Variants in BIN1 observed in about 807,000 individuals in gnomAD.
BIN1 encodes bridging integrator 1.
Under a neutral mutation model 82.0 loss-of-function variants are expected in BIN1, and 53 were observed. That is an observed-to-expected ratio of 0.65 (90% confidence interval 0.52 to 0.81). The LOEUF is 0.81. Ranked by LOEUF, BIN1 falls within the 40% of genes least tolerant of loss-of-function variation. BIN1 has a pLI of 0.00. For synonymous variants in BIN1, 302 were observed against 328.0 expected, an observed-to-expected ratio of 0.92 and a Z score of 0.86; for missense variants, 642 against 784.4, an observed-to-expected ratio of 0.82 and a Z score of 2.17.
chr2:127,075,108 T>G (rs6705636), intron 2 of BIN1, among the ~76,000 whole-genome samples: 27,181 of 152,126 alleles, frequency 0.18, 2,559 homozygotes, highest in South Asian at 0.25. Context: ...GGAAACTCGA[T>G]AGTGAACCAA....
chr2:127,053,322 G>C, intron 14 of BIN1, 100 bp downstream of exon 14: 1 of 1,518,176 alleles, frequency 6.6e-7, no homozygotes, highest in Non-Finnish European at 9.1e-7. Context: ...GGGTGTGTGG[G>C]GTGCATGCAC....
At chr2:127,060,453 G>C (rs753205366) in intron 10 of BIN1, 8 of 1,258,618 alleles carry the variant, frequency 6.4e-6, no homozygotes, top group Non-Finnish European at 8.0e-6. Flanking sequence ...CACCCAACAC[G>C]CACACGACAG....
rs1364452578 is a variant in BIN1 at position 127,057,374 on chromosome 2, A to T, written c.1131+99T>A. 2.1e-6 allele frequency: 3 copies of T among 1,401,494 alleles called. No homozygotes were observed. Among genetic ancestry groups the T allele is most frequent in the Non-Finnish European group, 2.8e-6 (3 of 1,067,292 alleles). The allele number at this position is 1,401,494 out of a possible 1,614,324, so 86.8% of individuals were successfully genotyped here. A position where few individuals can be genotyped will look rare whatever the true frequency, so the allele number is the denominator to read the frequency against. ...GGAAACTGACACTCTCTCTGGCCAG[A>T]TTCCTGGCTCTTGAGACAGAAGCAT... On this transcript the variant is annotated intron_variant, in intron 12 of 18. Coordinates refer to ENST00000316724, the MANE Select transcript of BIN1 (RefSeq NM_139343.3). The surrounding 1 kb of genome is among the most constrained non-coding windows in gnomAD (Gnocchi z 5.0).
Position 127,048,579 on chromosome 2 carries a change from G to C in BIN1, c.1729C>G (p.Leu577Val), listed in dbSNP as rs771368114. ...GGGAAGACGCCACGGCACTTCTCCA[G>C]CTCCTTGTGCTGGTTCCAGTCGCTC... ...KESDWNQHKE[L>V]EKCRGVFPEN... The change falls in exon 19 of 19, where the codon CTG (leucine) becomes GTG (valine). Residue 577 changes from leucine (L) to valine (V), a missense_variant. Leu to Val is a conservative substitution (Grantham distance 32, BLOSUM62 1). Coordinates refer to ENST00000316724, the MANE Select transcript of BIN1 (RefSeq NM_139343.3). 1.9e-6 allele frequency: 3 copies of C among 1,613,672 alleles called. No homozygotes were observed. In the African/African-American group the frequency reaches 4.0e-5, roughly 22 times the overall value.
intron 2 of BIN1, among the ~76,000 whole-genome samples, chr2:127,072,681 G>A (rs942206801): frequency 1.3e-5 from 2 of 152,054 alleles, no homozygotes; most frequent in African/African-American, 4.8e-5. Flanking sequence ...GTATAACACT[G>A]GCTAATCATC....
At position 127,062,099 on chromosome 2, in the gene BIN1, C is replaced by A; in HGVS notation, c.857+16G>T. The A allele has an allele frequency of 1.3e-6, 2 of 1,594,824 alleles. No homozygotes were observed. The highest frequency in any genetic ancestry group is 1.1e-5 in the South Asian group (1 of 88,260). ...GTGCACACAGTCAGGGGCGCCAGGG[C>A]TCTCCCCGCACGCACCTGGGCTGGG... On this transcript the variant is annotated intron_variant, in intron 10 of 18. Coordinates refer to ENST00000316724, the MANE Select transcript of BIN1 (RefSeq NM_139343.3).
At chr2:127,096,673 C>CA (rs1015087819) in intron 1 of BIN1, among the ~76,000 whole-genome samples, 3 of 152,170 alleles carry the variant, frequency 2.0e-5, no homozygotes, top group Non-Finnish European at 4.4e-5. Flanking sequence ...TGGCCCCTGA[C>CA]ACATAATTAG....
intron 1 of BIN1, among the ~76,000 whole-genome samples, chr2:127,091,198 C>T (rs1342971262): frequency 2.0e-5 from 3 of 151,760 alleles, no homozygotes; most frequent in African/African-American, 7.3e-5. Context: ...AGCGCCCACC[C>T]AGAAGTGCCC....
At chr2:127,106,726 A>C in intron 1 of BIN1, 134 bp downstream of exon 1, 2 of 1,124,152 alleles carry the variant, frequency 1.8e-6, no homozygotes, top group Middle Eastern at 2.9e-4. Flanking sequence ...AGCCCCTCGA[A>C]AGCGCTCCTC....
Position 127,051,246 on chromosome 2 carries a change from G to T in BIN1, c.1372-3C>A. On this transcript the variant is annotated splice_polypyrimidine_tract_variant and splice_region_variant and intron_variant, in intron 15 of 18. Transcript: ENST00000316724. ...GCCACCTCCGAGGCCTCTGCTGGCTGCAACATAAATGCCGGCTTGGGGTCA... is the reference window on the plus strand; with the variant it reads ...GCCACCTCCGAGGCCTCTGCTGGCTTCAACATAAATGCCGGCTTGGGGTCA... The T allele has an allele frequency of 1.9e-6, 3 of 1,613,736 alleles. No individual in the cohort carries two copies. The highest frequency in any genetic ancestry group is 2.5e-6 in the Non-Finnish European group (3 of 1,179,898).
intron 7 of BIN1, 141 bp from the exon 8 acceptor site, chr2:127,064,159 A>G (rs1449659270): frequency 3.2e-6 from 3 of 936,762 alleles, no homozygotes; most frequent in Non-Finnish European, 5.0e-6. Context: ...GCTGAACTGG[A>G]TGTGGACACC....
chr2:127,099,051 C>T (rs1422851017), intron 1 of BIN1, among the ~76,000 whole-genome samples: 1 of 152,182 alleles, frequency 6.6e-6, no homozygotes, highest in East Asian at 1.9e-4. Context: ...GGGATCTGCA[C>T]CCACTAGCCT....
Position 127,096,020 on chromosome 2 carries a change from G to A in BIN1, c.84+10840C>T, listed in dbSNP as rs1285199076. ...ACTGAGGCTTGGTGGCCCACCTGGA[G>A]CCTGTGGTCTTCCGCTACATAGCAG... On this transcript the variant is annotated intron_variant, in intron 1 of 18. Transcript: ENST00000316724. Among the ~76,000 whole-genome samples the A allele has an allele frequency of 2.0e-5, 3 of 152,312 alleles. No individual in the cohort carries two copies. The East Asian group carries it at 5.8e-4, about 29-fold the overall frequency.
intron 1 of BIN1, among the ~76,000 whole-genome samples, chr2:127,083,995 T>G (rs993492638): frequency 6.6e-6 from 1 of 152,254 alleles, no homozygotes; most frequent in Non-Finnish European, 1.5e-5. Flanking sequence ...CACTTTTCTC[T>G]TAGTCATCTG....
rs1376213043 is a variant in BIN1, at chr2:127,101,957, G to A, written c.84+4903C>T. ...GGAAGCGGGGCCATGCAGGAAGAAG[G>A]TGCCACATGTGGGCTCAAGGTGCCG... On this transcript the variant is annotated intron_variant, in intron 1 of 18. Coordinates refer to ENST00000316724, the MANE Select transcript of BIN1 (RefSeq NM_139343.3). Among the ~76,000 whole-genome samples the A allele has an allele frequency of 2.0e-5, 3 of 152,294 alleles. No individual in the cohort carries two copies. The East Asian group carries it at 5.8e-4, about 29-fold the overall frequency.
intron 1 of BIN1, among the ~76,000 whole-genome samples, chr2:127,080,802 G>A (rs1687192514): frequency 6.6e-6 from 1 of 152,222 alleles, no homozygotes; most frequent in Admixed American, 6.5e-5. Flanking sequence ...ATGACAAAGT[G>A]TGAACCCGTG....
intron 10 of BIN1, among the ~76,000 whole-genome samples, chr2:127,061,208 A>AC (rs1573594682): frequency 4.2e-5 from 1 of 23,926 alleles, no homozygotes; most frequent in East Asian, 1.7e-3. Flanking sequence ...CCACCCCGCT[A>AC]CCCACCCCCC....
At chr2:127,098,394 C>A (rs187627786) in intron 1 of BIN1, among the ~76,000 whole-genome samples, 7 of 152,180 alleles carry the variant, frequency 4.6e-5, no homozygotes, top group Admixed American at 2.6e-4. Flanking sequence ...CCAGACACTG[C>A]GGCCTTCACA....
At chr2:127,064,092 C>G in intron 7 of BIN1, 74 bp from the exon 8 acceptor site, 1 of 1,549,742 alleles carries the variant, frequency 6.5e-7, no homozygotes, top group Non-Finnish European at 8.9e-7. Flanking sequence ...GTCCTCCCAC[C>G]TCCTGCCCAC....
Sources: allele counts gnomAD v4.1 joint callset (sites outside exome capture counted in the v4.1 genomes callset), GRCh38; gene constraint gnomAD v4.1.1; non-coding constraint Gnocchi (gnomAD v3.1); transcripts MANE v1.5; gene names NCBI Gene and HGNC (gene_info 2026-07-23, HGNC 2026-07-21).